Variants in LBP observed in about 807,000 individuals in gnomAD.
The protein encoded by LBP is lipopolysaccharide-binding protein.
In LBP, 53 loss-of-function variants were observed where a neutral mutation model predicts 56.6. The observed-to-expected ratio is 0.94, with a 90% CI of 0.75 to 1.18. The LOEUF (loss-of-function observed/expected upper bound fraction) is 1.18, where lower values mean the gene tolerates loss of function less well. LBP is among the 50% of genes most tolerant of loss of function. The pLI, the probability that LBP is intolerant of heterozygous loss-of-function variation, is 0.00. For synonymous variants in LBP, 227 were observed against 247.5 expected, an observed-to-expected ratio of 0.92 and a Z score of 0.78; for missense variants, 601 against 598.3, an observed-to-expected ratio of 1.00 and a Z score of -0.05.
chr20:38,357,778 C>G (rs1029847810), intron 5 of LBP, among the ~76,000 whole-genome samples: 1 of 152,164 alleles, frequency 6.6e-6, no homozygotes, highest in African/African-American at 2.4e-5. Flanking sequence ...CATGAGTTTT[C>G]CTGGAAAGGG....
At chr20:38,358,007 CCTG>C (rs1239303526) in intron 5 of LBP, among the ~76,000 whole-genome samples, 1 of 152,208 alleles carries the variant, frequency 6.6e-6, no homozygotes, top group Non-Finnish European at 1.5e-5. Context: ...TTTACCGCAT[CCTG>C]TTTTATCAGC....
chr20:38,370,673 C>A, intron 10 of LBP, 65 bp from the exon 11 acceptor site: 1 of 1,428,466 alleles, frequency 7.0e-7, no homozygotes, highest in Non-Finnish European at 9.9e-7. Flanking sequence ...GGTCCCTCGT[C>A]ATCATCCTTC....
At position 38,376,951 on chromosome 20, in the gene LBP, T is replaced by A. The variant is rs1205439633; in HGVS notation, c.*282T>A. On this transcript the variant is annotated 3_prime_UTR_variant, in exon 15 of 15. Coordinates refer to ENST00000217407, the MANE Select transcript of LBP (RefSeq NM_004139.5). ...CTGTATTTTTTTATTCGCCATCTGA[T>A]CCCCATGCCTAGCAGAGTGCTGGCA... 1.7e-6 allele frequency: 1 copy of A among 581,914 alleles called. No individual in the cohort carries two copies. Among genetic ancestry groups the A allele is most frequent in the South Asian group, 1.5e-5 (1 of 65,716 alleles). 36.0% of individuals were successfully genotyped at this position (581,914 alleles called of 1,614,324 possible). A position where few individuals can be genotyped will look rare whatever the true frequency, so the allele number is the denominator to read the frequency against.
intron 3 of LBP, among the ~76,000 whole-genome samples, chr20:38,351,264 T>C (rs2076819527): frequency 6.6e-6 from 1 of 152,152 alleles, no homozygotes; most frequent in East Asian, 1.9e-4. Flanking sequence ...CAATACTTTA[T>C]CTTGGAAGCG....
chr20:38,369,456 C>T (rs2076894036), intron 10 of LBP, among the ~76,000 whole-genome samples: 1 of 152,156 alleles, frequency 6.6e-6, no homozygotes, highest in African/African-American at 2.4e-5. Context: ...CTATGTGAGT[C>T]TGGGCTATTG....
chr20:38,373,181 G>C (rs188430418), intron 13 of LBP, 46 bp downstream of exon 13: 26 of 1,518,578 alleles, frequency 1.7e-5, no homozygotes, highest in African/African-American at 1.2e-4. Context: ...GAACACTGCT[G>C]TCTGGAGGAA....
chr20:38,375,536 A>G (rs1438403715), intron 14 of LBP, among the ~76,000 whole-genome samples: 2 of 152,090 alleles, frequency 1.3e-5, no homozygotes, highest in South Asian at 2.1e-4. Flanking sequence ...AGCTGAGATC[A>G]TGCCACTGCA....
chr20:38,349,264 C>G (rs1475076369), intron 1 of LBP, among the ~76,000 whole-genome samples: 2 of 152,196 alleles, frequency 1.3e-5, no homozygotes, highest in African/African-American at 4.8e-5. Flanking sequence ...GACTATCCGT[C>G]CAAGCGCACA....
At chr20:38,351,952 C>T (rs1255646830) in intron 3 of LBP, among the ~76,000 whole-genome samples, 2 of 151,408 alleles carry the variant, frequency 1.3e-5, no homozygotes, top group African/African-American at 2.4e-5. Flanking sequence ...ACAGAAGAAT[C>T]GTTTGAACCC....
chr20:38,375,585 G>GA (rs921175013), intron 14 of LBP, among the ~76,000 whole-genome samples: 42 of 146,744 alleles, frequency 2.9e-4, no homozygotes, highest in South Asian at 4.3e-4. Flanking sequence ...CATCTCAAAA[G>GA]AAAAAAAAAA....
At chr20:38,373,610 A>T (rs1441050036) in intron 13 of LBP, among the ~76,000 whole-genome samples, 1 of 152,172 alleles carries the variant, frequency 6.6e-6, no homozygotes, top group African/African-American at 2.4e-5. Context: ...AGGGAGTGGA[A>T]CGCCCTGTTC....
rs142628600 is a variant in LBP, at chr20:38,370,752, C to T, written c.1164C>T (p.Ser388=). The change falls in exon 11 of 15, where the codon TCC becomes TCT. Residue 388 remains serine (S), a synonymous_variant. Transcript: ENST00000217407. ...GGCATTTCCAGGCCACTAATGTGTC[C>T]GCCACCTTGACCTTCAATACCAGCA... is the stretch of plus-strand genomic sequence containing the variant. ...VFRLSVATNV[S]ATLTFNTSKI... The T allele has an allele frequency of 1.7e-5, 28 of 1,613,938 alleles. No homozygotes were observed. The South Asian group carries it at 1.9e-4, about 11-fold the overall frequency.
chr20:38,349,434 T>C, intron 1 of LBP, 114 bp from the exon 2 acceptor site: 1 of 738,164 alleles, frequency 1.4e-6, no homozygotes, highest in Non-Finnish European at 2.4e-6. Flanking sequence ...TTGTACTTAA[T>C]GCTAATAAGG....
chr20:38,371,817 T>G (rs535645359), intron 12 of LBP, among the ~76,000 whole-genome samples: 2 of 152,238 alleles, frequency 1.3e-5, no homozygotes, highest in South Asian at 4.2e-4. Context: ...TTAAAAAATT[T>G]GCACACACAC....
chr20:38,366,850 C>A, intron 9 of LBP, 22 bp downstream of exon 9: 1 of 1,608,300 alleles, frequency 6.2e-7, no homozygotes, highest in South Asian at 1.1e-5. Flanking sequence ...CTTAGTTCCC[C>A]ATGAGTGCAG....
chr20:38,354,482 A>G, intron 4 of LBP, 43 bp downstream of exon 4: 1 of 1,570,872 alleles, frequency 6.4e-7, no homozygotes, highest in Non-Finnish European at 8.7e-7. Context: ...TCCTGGTTGC[A>G]GCTCCCGGCC....
intron 6 of LBP, among the ~76,000 whole-genome samples, chr20:38,363,452 C>A (rs951435466): frequency 1.2e-4 from 18 of 152,162 alleles, no homozygotes; most frequent in Non-Finnish European, 2.5e-4. Context: ...ACATTAAGCT[C>A]GGAGGGGGAG....
chr20:38,350,134 TA>T (rs1476203880), intron 2 of LBP, among the ~76,000 whole-genome samples: 1 of 152,186 alleles, frequency 6.6e-6, no homozygotes, highest in Non-Finnish European at 1.5e-5. Flanking sequence ...GCTGATGCTT[TA>T]AAAGAGCGTG....
Position 38,376,872 on chromosome 20 carries a change from C to G in LBP, c.*203C>G, listed in dbSNP as rs1294713669. 7.2e-6 allele frequency: 5 copies of G among 698,658 alleles called. No homozygotes were observed. Among genetic ancestry groups the G allele is most frequent in the Middle Eastern group, 2.3e-4 (1 of 4,330 alleles). 43.3% of individuals were successfully genotyped at this position (698,658 alleles called of 1,614,324 possible). On this transcript the variant is annotated 3_prime_UTR_variant, in exon 15 of 15. Transcript: ENST00000217407. ...TCTCTGAGTCTGGACTTTGCTTCCC[C>G]TCCAGGAGGGACCACCCTCCCCGAC...
Sources: allele counts gnomAD v4.1 joint callset (sites outside exome capture counted in the v4.1 genomes callset), GRCh38; gene constraint gnomAD v4.1.1; transcripts MANE v1.5; gene names NCBI Gene and HGNC (gene_info 2026-07-23, HGNC 2026-07-21).